The following HSF2BP variants were observed in gnomAD, a reference collection of about 807,000 sequenced individuals.
HSF2BP encodes heat shock transcription factor 2 binding protein.
In HSF2BP, 35 loss-of-function variants were observed where a neutral mutation model predicts 35.0. That is an observed-to-expected ratio of 1.00 (90% CI 0.76 to 1.32). The LOEUF (loss-of-function observed/expected upper bound fraction) is 1.32. Ranked by LOEUF, HSF2BP falls within the 40% of genes most tolerant of loss-of-function variation. The probability of loss-of-function intolerance (pLI) is 0.00; values close to 1 mark genes in which losing one functional copy is unlikely to be tolerated. For synonymous variants in HSF2BP, 114 were observed against 117.4 expected (o/e 0.97, Z 0.18); for missense variants, 326 against 321.7 (o/e 1.01, Z -0.10).
chr21:43,585,239 A>G (rs1379579330), intron 8 of HSF2BP, among the ~76,000 whole-genome samples: 1 of 152,148 alleles, frequency 6.6e-6, no homozygotes, highest in South Asian at 2.1e-4. Flanking sequence ...TGAGCCCAGG[A>G]ATTCGATTTA....
At chr21:43,636,402 G>GT (rs1439796335) in intron 4 of HSF2BP, among the ~76,000 whole-genome samples, 1 of 151,888 alleles carries the variant, frequency 6.6e-6, no homozygotes, top group Non-Finnish European at 1.5e-5. Context: ...TAATAATAAA[G>GT]TAAGTTTCAT....
At chr21:43,626,670 G>A (rs1601689582) in intron 6 of HSF2BP, among the ~76,000 whole-genome samples, 1 of 152,260 alleles carries the variant, frequency 6.6e-6, no homozygotes, top group East Asian at 1.9e-4. Context: ...TTGGAACCCT[G>A]ACCCCACTGG....
intron 8 of HSF2BP, among the ~76,000 whole-genome samples, chr21:43,586,177 C>G (rs558225604): frequency 3.9e-5 from 6 of 152,178 alleles, no homozygotes; most frequent in Non-Finnish European, 5.9e-5. Context: ...ACTCTGTCCT[C>G]GTCGGCTATT....
chr21:43,638,319 A>C (rs2082592039), intron 4 of HSF2BP, among the ~76,000 whole-genome samples: 2 of 152,068 alleles, frequency 1.3e-5, no homozygotes, highest in Admixed American at 1.3e-4. Flanking sequence ...TTACCCAGGC[A>C]TGGTGGCGCA....
At chr21:43,618,058 A>T (rs568044527) in intron 6 of HSF2BP, among the ~76,000 whole-genome samples, 1 of 152,232 alleles carries the variant, frequency 6.6e-6, no homozygotes, top group East Asian at 1.9e-4. Flanking sequence ...TAGAAGTTTG[A>T]GATGAGTCTT....
intron 7 of HSF2BP, among the ~76,000 whole-genome samples, chr21:43,609,666 C>T (rs1395723064): frequency 1.3e-5 from 2 of 151,614 alleles, no homozygotes; most frequent in Non-Finnish European, 2.9e-5. Flanking sequence ...CAAGGGTGGG[C>T]GTTAGTGAAG....
At chr21:43,624,563 C>T (rs1464119584) in intron 6 of HSF2BP, among the ~76,000 whole-genome samples, 4 of 152,108 alleles carry the variant, frequency 2.6e-5, no homozygotes, top group South Asian at 2.1e-4. Context: ...AGAGCAGCCA[C>T]GGTCACTGAC....
intron 8 of HSF2BP, among the ~76,000 whole-genome samples, chr21:43,579,568 C>T (rs112314110): frequency 2.0e-5 from 3 of 151,934 alleles, no homozygotes; most frequent in Non-Finnish European, 2.9e-5. Context: ...ATCTGATTAC[C>T]CTTAATACAG....
At chr21:43,574,820 C>T (rs1308720139) in intron 8 of HSF2BP, among the ~76,000 whole-genome samples, 6 of 151,562 alleles carry the variant, frequency 4.0e-5, no homozygotes, top group Non-Finnish European at 8.8e-5. Context: ...GGCTTCCTCT[C>T]GGCTCAGCCT....
intron 7 of HSF2BP, among the ~76,000 whole-genome samples, chr21:43,611,162 C>T (rs1377703444): frequency 1.3e-5 from 2 of 152,128 alleles, no homozygotes; most frequent in African/African-American, 4.8e-5. Flanking sequence ...GGGAGGATAA[C>T]TTAAGCCTAA....
At chr21:43,604,524 A>C (rs892435918) in intron 7 of HSF2BP, among the ~76,000 whole-genome samples, 11 of 135,022 alleles carry the variant, frequency 8.1e-5, no homozygotes, top group African/African-American at 2.7e-4. Context: ...TACACACCCC[A>C]CACACACACC....
chr21:43,658,693 T>C (rs886400723), intron 1 of HSF2BP, among the ~76,000 whole-genome samples: 30 of 152,218 alleles, frequency 2.0e-4, no homozygotes, highest in Admixed American at 2.0e-3. Flanking sequence ...CTTCCCTCTC[T>C]GGAATTAGCA....
chr21:43,598,159 C>T (rs184359638), intron 7 of HSF2BP, among the ~76,000 whole-genome samples: 1 of 152,166 alleles, frequency 6.6e-6, no homozygotes, highest in Admixed American at 6.5e-5. Flanking sequence ...TCCTTCTCAC[C>T]CATGTGACCA....
At chr21:43,626,412 G>A (rs943888716) in intron 6 of HSF2BP, among the ~76,000 whole-genome samples, 2 of 152,130 alleles carry the variant, frequency 1.3e-5, no homozygotes, top group African/African-American at 4.8e-5. Context: ...AAAGCTGTTG[G>A]GACTTTAAAT....
the HSF2BP span, among the ~76,000 whole-genome samples, chr21:43,496,692 C>CTGGGCTCA: frequency 7.7e-5 from 9 of 117,588 alleles, 1 homozygote; most frequent in South Asian, 1.7e-3. Flanking sequence ...CCTCGACCTT[C>CTGGGCTCA]TGGGCTCAAT....
intron 7 of HSF2BP, among the ~76,000 whole-genome samples, chr21:43,600,104 TTC>T (rs1285539916): frequency 6.6e-6 from 1 of 152,138 alleles, no homozygotes; most frequent in Non-Finnish European, 1.5e-5. Context: ...AAAAAGCAAG[TTC>T]TCTTTACCTA....
intron 7 of HSF2BP, among the ~76,000 whole-genome samples, chr21:43,594,893 T>A (rs2081966903): frequency 6.6e-6 from 1 of 152,162 alleles, no homozygotes; most frequent in South Asian, 2.1e-4. Flanking sequence ...AGGCATAGAT[T>A]ATAGATGGTT....
At chr21:43,604,671 C>T (rs1170675007) in intron 7 of HSF2BP, among the ~76,000 whole-genome samples, 2 of 123,340 alleles carry the variant, frequency 1.6e-5, no homozygotes, top group African/African-American at 7.6e-5. Flanking sequence ...ACACACACAC[C>T]ACCACACACC....
intron 4 of HSF2BP, among the ~76,000 whole-genome samples, chr21:43,638,008 G>C (rs2082587572): frequency 6.6e-6 from 1 of 152,140 alleles, no homozygotes. Flanking sequence ...TGTAGTGCTG[G>C]AAGGCCTGGC....
Sources: gnomAD v4.1 joint callset for allele counts (sites outside exome capture counted in the v4.1 genomes callset) on GRCh38, gnomAD v4.1.1 for gene constraint, MANE v1.5 for transcripts, NCBI Gene and HGNC (gene_info 2026-07-23, HGNC 2026-07-21) for gene names.